RSPH14: variants seen among roughly 807,000 people sequenced by gnomAD.
RSPH14 encodes radial spoke head 14 homolog.
In RSPH14, 20 loss-of-function variants were observed where a neutral mutation model predicts 26.7. The ratio of observed to expected loss-of-function variants is 0.75; its 90% confidence interval spans 0.53 to 1.09. The LOEUF is 1.09. Among genes scored for constraint, RSPH14 ranks in the 50% least tolerant of loss-of-function variants. The probability of loss-of-function intolerance (pLI) is 0.00; values close to 1 mark genes in which losing one functional copy is unlikely to be tolerated. For synonymous variants in RSPH14, 177 were observed against 189.3 expected, an observed-to-expected ratio of 0.93 and a Z score of 0.53; for missense variants, 449 against 457.2, an observed-to-expected ratio of 0.98 and a Z score of 0.16.
At chr22:23,150,025 T>G in the RSPH14 span, 512 of 1,515,030 alleles carry the variant, frequency 3.4e-4, 3 homozygotes, top group African/African-American at 6.5e-3. Context: ...AGCCACAGCT[T>G]TGCAGGATGA....
intron 4 of RSPH14, chr22:23,132,608 A>T (rs4822358): frequency 2.0e-5 from 3 of 152,032 alleles, no homozygotes; most frequent in Non-Finnish European, 4.4e-5. Context: ...CACACCCACC[A>T]AAATAGCTAA....
chr22:23,090,042 C>T (rs570423464), intron 4 of RSPH14, among the ~76,000 whole-genome samples: 2 of 152,268 alleles, frequency 1.3e-5, no homozygotes, highest in East Asian at 3.9e-4. Context: ...TTGCCACACC[C>T]TTCACGCTGC....
At chr22:23,158,910 G>A in the RSPH14 span, 1 of 1,614,128 alleles carries the variant, frequency 6.2e-7, no homozygotes, top group Non-Finnish European at 8.5e-7. Context: ...AGTGGTTGGA[G>A]GATGCTCTGA....
In RSPH14 at chr22:23,136,293, T is replaced by C. The variant is rs2070483084; in HGVS notation, c.303-2149A>G. On this transcript the variant is annotated intron_variant, in intron 3 of 6. Transcript: ENST00000216036. Reference sequence around the variant, plus strand: ...GACAAGATGCCAAGCCCAGGGCTGCTATCCTCATTCCCCCTTCCTGTCACT... The same window carrying C: ...GACAAGATGCCAAGCCCAGGGCTGCCATCCTCATTCCCCCTTCCTGTCACT... The C allele has an allele frequency of 4.2e-6, 3 of 706,458 alleles. No individual in the cohort carries two copies. The East Asian group carries it at 8.3e-5, about 20-fold the overall frequency. 43.8% of individuals were successfully genotyped at this position (706,458 alleles called of 1,614,324 possible).
At chr22:23,157,294 A>G in the RSPH14 span, among the ~76,000 whole-genome samples, 15 of 151,260 alleles carry the variant, frequency 9.9e-5, no homozygotes, top group African/African-American at 3.7e-4. Flanking sequence ...TTTGTAGCCC[A>G]AACTGGAGTG....
At chr22:23,162,577 G>A in the RSPH14 span, 2 of 451,152 alleles carry the variant, frequency 4.4e-6, no homozygotes, top group African/African-American at 4.0e-5. Context: ...CACATGCAGA[G>A]CAGACAGAAA....
At chr22:23,176,565 G>T in the RSPH14 span, among the ~76,000 whole-genome samples, 1 of 152,094 alleles carries the variant, frequency 6.6e-6, no homozygotes, top group Non-Finnish European at 1.5e-5. Context: ...GACTCCGCCA[G>T]ACTTTGTCGC....
chr22:23,147,822 T>G (rs1015148214), upstream of RSPH14, among the ~76,000 whole-genome samples: 2 of 152,180 alleles, frequency 1.3e-5, no homozygotes, highest in African/African-American at 4.8e-5. Context: ...GGCAACCTCT[T>G]CAGGAGCTGA....
chr22:23,136,359 C>T (rs2070484437), intron 3 of RSPH14: 1 of 667,998 alleles, frequency 1.5e-6, no homozygotes, highest in Non-Finnish European at 2.8e-6. Flanking sequence ...TCAACCTGGG[C>T]AGTTCAGGGC....
chr22:23,142,844 G>C (rs1355780456), upstream of RSPH14, among the ~76,000 whole-genome samples: 1 of 152,208 alleles, frequency 6.6e-6, no homozygotes. Flanking sequence ...ACTAGTCTCA[G>C]GGCTGAGTCC....
At chr22:23,179,969 T>C in the RSPH14 span, 1 of 318,780 alleles carries the variant, frequency 3.1e-6, no homozygotes, top group Non-Finnish European at 5.8e-6. Context: ...ATCTGCCTGG[T>C]CTTGCAGATG....
Position 23,059,588 on chromosome 22 carries a change from C to G in RSPH14, c.921G>C (p.Lys307Asn). The change falls in exon 7 of 7, where the codon AAG becomes AAC. Residue 307 changes from lysine to asparagine, a missense_variant. By Grantham distance (94) the Lys-to-Asn change is moderately conservative. Coordinates refer to ENST00000216036, the MANE Select transcript of RSPH14 (RefSeq NM_014433.3). ...TMLAEAPEGR[K>N]ALQTHVPTFR... ...AAGTGGGCACGTGCGTCTGCAGGGCCTTGCGGCCCTCGGGGGCCTCTGCCA... is the reference window on the plus strand; with the variant it reads ...AAGTGGGCACGTGCGTCTGCAGGGCGTTGCGGCCCTCGGGGGCCTCTGCCA... The G allele has an allele frequency of 6.2e-7, 1 of 1,614,046 alleles. No individual in the cohort carries two copies. Among genetic ancestry groups the G allele is most frequent in the South Asian group, 1.1e-5 (1 of 91,082 alleles).
At position 23,064,131 on chromosome 22, in the gene RSPH14, C is replaced by A. The variant is rs775905793; in HGVS notation, c.424G>T (p.Ala142Ser). The A allele has an allele frequency of 6.2e-7, 1 of 1,614,082 alleles. No homozygotes were observed. Among genetic ancestry groups the A allele is most frequent in the South Asian group, 1.1e-5 (1 of 91,076 alleles). ...YMQLVQVPRG[A>S]QEIISKGLIS... ...AGACCTTTGCTGATGATCTCTTGGGCCCCTACAAGGCAGGAAAGGGCACTG... is the reference window on the plus strand; with the variant it reads ...AGACCTTTGCTGATGATCTCTTGGGACCCTACAAGGCAGGAAAGGGCACTG... Residue 142 changes from alanine to serine, a missense_variant and splice_region_variant, in exon 5 of 7, where the codon GCC (alanine) becomes TCC (serine). Transcript: ENST00000216036.
At chr22:23,138,438 G>A (rs1033530529) in intron 3 of RSPH14, among the ~76,000 whole-genome samples, 2 of 152,106 alleles carry the variant, frequency 1.3e-5, no homozygotes, top group Admixed American at 6.6e-5. Context: ...ACACATGCCT[G>A]TAGTCCCAGC....
At chr22:23,109,940 T>C (rs900085235) in intron 4 of RSPH14, among the ~76,000 whole-genome samples, 6 of 152,166 alleles carry the variant, frequency 3.9e-5, no homozygotes, top group African/African-American at 1.4e-4. Context: ...GCAGACTGGC[T>C]CCAGGGACAG....
At chr22:23,092,345 GCA>G (rs1267457550) in intron 4 of RSPH14, among the ~76,000 whole-genome samples, 1 of 152,160 alleles carries the variant, frequency 6.6e-6, no homozygotes, top group Non-Finnish European at 1.5e-5. Flanking sequence ...TTACATCCGT[GCA>G]CAGCCCTGTC....
chr22:23,155,188 A>G, the RSPH14 span, among the ~76,000 whole-genome samples: 1 of 152,228 alleles, frequency 6.6e-6, no homozygotes, highest in Non-Finnish European at 1.5e-5. Flanking sequence ...TTTGCAGTTT[A>G]CTGAGAAAAG....
chr22:23,101,415 C>G (rs898457284), intron 4 of RSPH14, among the ~76,000 whole-genome samples: 5 of 152,198 alleles, frequency 3.3e-5, no homozygotes, highest in Non-Finnish European at 1.5e-5. Flanking sequence ...TGTAGCCAGC[C>G]TTCCCTCAGG....
chr22:23,179,943 C>G, the RSPH14 span: 2 of 286,896 alleles, frequency 7.0e-6, no homozygotes, highest in Non-Finnish European at 1.3e-5. Context: ...AGGTGCCCTC[C>G]GCATCGTTGG....
Sources: gnomAD v4.1 joint callset for allele counts (sites outside exome capture counted in the v4.1 genomes callset) on GRCh38, gnomAD v4.1.1 for gene constraint, MANE v1.5 for transcripts, NCBI Gene and HGNC (gene_info 2026-07-23, HGNC 2026-07-21) for gene names.